The following ECSCR variants were observed in gnomAD, a reference collection of about 807,000 sequenced individuals.
ECSCR encodes the protein endothelial cell-specific chemotaxis regulator.
Under a neutral mutation model 16.7 loss-of-function variants are expected in ECSCR, and 12 were observed. The ratio of observed to expected loss-of-function variants is 0.72; its 90% CI spans 0.46 to 1.17. ECSCR has a LOEUF of 1.17. Among genes scored for constraint, ECSCR ranks in the 50% most tolerant of loss-of-function variants. The probability of loss-of-function intolerance (pLI) is 0.00; values close to 1 mark genes in which losing one functional copy is unlikely to be tolerated. For missense variants in ECSCR, 122 were observed against 116.1 expected, an observed-to-expected ratio of 1.05 and a Z score of -0.23; for synonymous variants, 44 against 42.2, an observed-to-expected ratio of 1.04 and a Z score of -0.17.
chr5:139,454,318 T>C (rs948123026), intron 8 of ECSCR, among the ~76,000 whole-genome samples: 30 of 145,808 alleles, frequency 2.1e-4, no homozygotes, highest in Admixed American at 1.4e-3. Context: ...GTGTATAATA[T>C]GGGGGTTGTG....
At chr5:139,456,202 G>T (rs2152089289) in intron 5 of ECSCR, among the ~76,000 whole-genome samples, 1 of 152,260 alleles carries the variant, frequency 6.6e-6, no homozygotes, top group African/African-American at 2.4e-5. Context: ...GGAGGAGGTT[G>T]CAGAGAGCCG....
rs1007467525 is a variant in ECSCR, at chr5:139,458,136, T to C, written c.106+3A>G. On this transcript the variant is annotated splice_donor_region_variant and intron_variant, in intron 2 of 9. Transcript: ENST00000618155. Reference sequence around the variant, plus strand: ...TGGAGTAGACCCATGTGTTTGGTCTTACCCTGAGAGCTAGAGGTCTGGGTC... The same window carrying C: ...TGGAGTAGACCCATGTGTTTGGTCTCACCCTGAGAGCTAGAGGTCTGGGTC... The C allele has an allele frequency of 6.5e-7, 1 of 1,549,662 alleles. No homozygotes were observed. The highest frequency in any genetic ancestry group is 8.7e-7 in the Non-Finnish European group (1 of 1,146,884).
chr5:139,462,070 C>T (rs1751318131), intron 1 of ECSCR, among the ~76,000 whole-genome samples: 1 of 152,182 alleles, frequency 6.6e-6, no homozygotes, highest in African/African-American at 2.4e-5. Context: ...TTAAGCACAT[C>T]CTCCTTGGTG....
At position 139,454,961 on chromosome 5, in the gene ECSCR, G is replaced by A. The variant is rs898356002; in HGVS notation, c.377-38C>T. The A allele has an allele frequency of 1.3e-3, 535 of 398,792 alleles. 5 individuals carry two copies. Among genetic ancestry groups the A allele is most frequent in the African/African-American group, 0.01 (496 of 48,664 alleles). The allele number at this position is 398,792 out of a possible 1,614,324, so 24.7% of individuals were successfully genotyped here. On this transcript the variant is annotated intron_variant, in intron 6 of 9. Transcript: ENST00000618155. ...AAGAATGGGGTGAAGGGGGCCAGTC[G>A]GGGGGACAAAGGGGCCAACAAGAGT...
At chr5:139,461,728 T>G (rs1452144791) in intron 1 of ECSCR, among the ~76,000 whole-genome samples, 1 of 152,166 alleles carries the variant, frequency 6.6e-6, no homozygotes, top group Admixed American at 6.5e-5. Context: ...CGGAAGCCAG[T>G]GTTCTGGTAC....
chr5:139,458,857 A>AC (rs1751228066), intron 1 of ECSCR, among the ~76,000 whole-genome samples: 1 of 151,894 alleles, frequency 6.6e-6, no homozygotes, highest in African/African-American at 2.4e-5. Context: ...AAAAAAAAAA[A>AC]AAAGAAAAGA....
intron 1 of ECSCR, among the ~76,000 whole-genome samples, chr5:139,461,298 C>G (rs138032008): frequency 1.3e-5 from 2 of 152,330 alleles, no homozygotes; most frequent in Non-Finnish European, 2.9e-5. Flanking sequence ...GCCCTGTTCT[C>G]TCAAATCCTC....
intron 6 of ECSCR, 34 bp from the exon 7 acceptor site, chr5:139,454,957 AG>A (rs1751125001): frequency 2.5e-6 from 1 of 398,570 alleles, no homozygotes; most frequent in South Asian, 1.3e-4. Context: ...GAAGGGGGCC[AG>A]TCGGGGGGAC....
chr5:139,451,328 T>C (rs1176637426), intron 8 of ECSCR, among the ~76,000 whole-genome samples: 1 of 145,906 alleles, frequency 6.9e-6, no homozygotes, highest in East Asian at 2.1e-4. Flanking sequence ...TGGTGTAAGG[T>C]GTATATGTTG....
chr5:139,461,712 C>T (rs186258352), intron 1 of ECSCR, among the ~76,000 whole-genome samples: 7 of 152,310 alleles, frequency 4.6e-5, no homozygotes, highest in Non-Finnish European at 8.8e-5. Context: ...AAATGCCTGA[C>T]ATCTCCGGAA....
intron 8 of ECSCR, among the ~76,000 whole-genome samples, chr5:139,454,326 G>A (rs1158185607): frequency 6.7e-6 from 1 of 148,306 alleles, no homozygotes; most frequent in Non-Finnish European, 1.5e-5. Context: ...TATGGGGGTT[G>A]TGTGTGATGT....
intron 1 of ECSCR, 43 bp from the exon 2 acceptor site, chr5:139,458,226 C>T (rs1561476490): frequency 3.9e-6 from 6 of 1,539,598 alleles, no homozygotes; most frequent in Non-Finnish European, 4.4e-6. Flanking sequence ...AGTCCCCTGC[C>T]CAGCACAGAG....
rs1012865345 is a variant in ECSCR, at chr5:139,454,594, G to A, written c.512+8C>T. 7 of 398,034 alleles carry A rather than the reference G, an allele frequency of 1.8e-5. No homozygotes were observed. Among genetic ancestry groups the A allele is most frequent in the Middle Eastern group, 6.2e-4 (1 of 1,610 alleles). 24.7% of individuals were successfully genotyped at this position (398,034 alleles called of 1,614,324 possible). ...GTGTCAGATAGAAGATTTTTCTGAC[G>A]GTCTTACCTTTCAGACAGCCCTGAA... On this transcript the variant is annotated splice_region_variant and intron_variant, in intron 8 of 9. Transcript: ENST00000618155.
chr5:139,458,553 A>G (rs910274781), intron 1 of ECSCR, among the ~76,000 whole-genome samples: 4 of 148,556 alleles, frequency 2.7e-5, no homozygotes, highest in African/African-American at 9.8e-5. Flanking sequence ...AGAAAAAAGA[A>G]AAGAAAACAC....
chr5:139,457,718 G>T, intron 3 of ECSCR, 39 bp downstream of exon 3: 1 of 1,611,748 alleles, frequency 6.2e-7, no homozygotes, highest in Non-Finnish European at 8.5e-7. Context: ...GAATGGGTGT[G>T]GGGCAGGAGC....
At chr5:139,453,806 G>A (rs1219110955) in intron 8 of ECSCR, among the ~76,000 whole-genome samples, 1 of 84,518 alleles carries the variant, frequency 1.2e-5, no homozygotes, top group East Asian at 3.4e-4. Context: ...TGTGTGGTGT[G>A]TGATGTGTGG....
In ECSCR at chr5:139,461,708, C is replaced by T. The variant is rs1455115880; in HGVS notation, c.61+902G>A. Among the ~76,000 whole-genome samples, 6 of 152,284 alleles carry T rather than the reference C, an allele frequency of 3.9e-5. No homozygotes were observed. In the East Asian group the frequency reaches 1.2e-3, roughly 29 times the overall value. On this transcript the variant is annotated intron_variant, in intron 1 of 9. Transcript: ENST00000618155. The stretch of plus-strand genomic sequence containing the variant: ...AGCCCATGGACTTTTAGAGAAATGC[C>T]TGACATCTCCGGAAGCCAGTGTTCT...
intron 1 of ECSCR, 142 bp from the exon 2 acceptor site, chr5:139,458,325 GTTT>G (rs777187520): frequency 1.3e-4 from 71 of 546,670 alleles, no homozygotes; most frequent in Middle Eastern, 5.1e-4. Context: ...GTTTTGTTTT[GTTT>G]TTTTTTTTTT....
At chr5:139,455,003 A>G in intron 6 of ECSCR, 80 bp from the exon 7 acceptor site, 3 of 398,506 alleles carry the variant, frequency 7.5e-6, no homozygotes, top group Non-Finnish European at 1.3e-5. Context: ...TTCCCTTCCC[A>G]GATAAGTACT....
Sources: gnomAD v4.1 joint callset for allele counts (sites outside exome capture counted in the v4.1 genomes callset) on GRCh38, gnomAD v4.1.1 for gene constraint, MANE v1.5 for transcripts, NCBI Gene and HGNC (gene_info 2026-07-23, HGNC 2026-07-21) for gene names.